Variants in CYSLTR1 observed in about 807,000 individuals in gnomAD.
CYSLTR1 encodes G-protein coupled receptor HG55.
A neutral mutation model predicts 2.1 loss-of-function variants in CYSLTR1; 1 was observed. The observed-to-expected ratio is 0.48, with a 90% CI of 0.17 to 2.28. The LOEUF is 2.28. Among genes scored for constraint, CYSLTR1 ranks in the 30% most tolerant of loss-of-function variants. The pLI is 0.26. For synonymous variants in CYSLTR1, 110 were observed against 89.6 expected, an observed-to-expected ratio of 1.23 and a Z score of -1.28; for missense variants, 299 against 250.1, an observed-to-expected ratio of 1.20 and a Z score of -1.32.
intron 2 of CYSLTR1, among the ~76,000 whole-genome samples, chrX:78,280,642 A>G (rs979633678): frequency 3.7e-5 from 4 of 109,287 alleles, no homozygotes; most frequent in Non-Finnish European, 7.6e-5. Context: ...GTTCTTTTTT[A>G]TCTATACAAT....
chrX:78,292,509 G>A (rs1371786904), intron 1 of CYSLTR1, among the ~76,000 whole-genome samples: 1 of 111,739 alleles, frequency 8.9e-6, no homozygotes, highest in Non-Finnish European at 1.9e-5. Context: ...CTGAGTTCAA[G>A]TCCTGGATAT....
At chrX:78,320,394 C>T (rs1197492030) in intron 1 of CYSLTR1, 2 of 111,308 alleles carry the variant, frequency 1.8e-5, no homozygotes, top group Non-Finnish European at 3.8e-5. Context: ...TGTTTTTTGT[C>T]AGGTTTGTGA....
At chrX:78,313,321 A>G (rs1231333440) in intron 1 of CYSLTR1, among the ~76,000 whole-genome samples, 1 of 111,057 alleles carries the variant, frequency 9.0e-6, no homozygotes, top group African/African-American at 3.3e-5. Flanking sequence ...GATGGGGGAG[A>G]AAGGGAAGTG....
intron 2 of CYSLTR1, among the ~76,000 whole-genome samples, chrX:78,276,337 T>C (rs909444686): frequency 1.2e-4 from 13 of 111,685 alleles, no homozygotes; most frequent in African/African-American, 4.2e-4. Context: ...GTATGTAACA[T>C]ATCAGATAAT....
intron 1 of CYSLTR1, among the ~76,000 whole-genome samples, chrX:78,285,255 C>A (rs1015022024): frequency 9.1e-6 from 1 of 109,323 alleles, no homozygotes; most frequent in African/African-American, 3.3e-5. Context: ...CCCGTCTCTA[C>A]TGAAAAATAC....
intron 2 of CYSLTR1, among the ~76,000 whole-genome samples, chrX:78,276,182 C>A (rs1462188251): frequency 1.8e-5 from 2 of 111,879 alleles, no homozygotes; most frequent in Non-Finnish European, 3.8e-5. Flanking sequence ...TTACTCTAGT[C>A]TATTTCAGCT....
intron 1 of CYSLTR1, among the ~76,000 whole-genome samples, chrX:78,315,101 G>T (rs1197212497): frequency 9.4e-6 from 1 of 106,706 alleles, no homozygotes; most frequent in Admixed American, 1.0e-4. Context: ...TAGGGCACCT[G>T]TTAGAGCTAT....
intron 1 of CYSLTR1, among the ~76,000 whole-genome samples, chrX:78,304,910 G>A (rs1018951608): frequency 1.8e-5 from 2 of 111,805 alleles, no homozygotes; most frequent in African/African-American, 3.3e-5. Context: ...AGTTGGTCTG[G>A]TGATAATTTC....
chrX:78,285,554 C>G (rs1922032928), intron 1 of CYSLTR1, among the ~76,000 whole-genome samples: 1 of 111,721 alleles, frequency 9.0e-6, no homozygotes, highest in Admixed American at 9.5e-5. Flanking sequence ...TAGCGTGGGA[C>G]AAGAAAGAAA....
intron 1 of CYSLTR1, chrX:78,320,826 C>T (rs1467292596): frequency 2.7e-5 from 3 of 111,442 alleles, no homozygotes; most frequent in Non-Finnish European, 3.8e-5. Context: ...AGGTCCTTCA[C>T]ATCCCTTGTA....
intron 1 of CYSLTR1, among the ~76,000 whole-genome samples, chrX:78,296,837 CAAGGAT>C (rs1459319044): frequency 9.0e-6 from 1 of 111,608 alleles, no homozygotes; most frequent in Non-Finnish European, 1.9e-5. Flanking sequence ...CATCTGCAAA[CAAGGAT>C]AAGTTGACTT....
intron 1 of CYSLTR1, among the ~76,000 whole-genome samples, chrX:78,284,480 G>A (rs1054375123): frequency 2.7e-5 from 3 of 111,125 alleles, no homozygotes; most frequent in Admixed American, 1.9e-4. Flanking sequence ...CACTCACTCT[G>A]ACCTCCGCCT....
chrX:78,292,839 C>T (rs916112071), intron 1 of CYSLTR1, among the ~76,000 whole-genome samples: 1 of 107,182 alleles, frequency 9.3e-6, no homozygotes, highest in African/African-American at 3.4e-5. Context: ...CTAAGTATTC[C>T]TCCATCCCTT....
At chrX:78,325,407 C>T (rs762370710) in intron 1 of CYSLTR1, among the ~76,000 whole-genome samples, 1 of 112,193 alleles carries the variant, frequency 8.9e-6, no homozygotes, top group African/African-American at 3.2e-5. Flanking sequence ...CAAAATCCTT[C>T]TGATGGTGGT....
intron 1 of CYSLTR1, among the ~76,000 whole-genome samples, chrX:78,285,024 G>C (rs890753003): frequency 3.6e-5 from 4 of 110,737 alleles, no homozygotes; most frequent in Non-Finnish European, 7.6e-5. Flanking sequence ...ATTACTCAGA[G>C]TTGTCTTTTA....
At position 78,273,570 on chromosome X, in the gene CYSLTR1, T is replaced by C. The variant is rs200175802; in HGVS notation, c.177A>G (p.Gln59=). Residue 59 remains glutamine, a synonymous_variant, in exon 3 of 3, where the codon CAA becomes CAG. Transcript: ENST00000373304. ...CTACTGCTAAATTAATCATGTATAC[T>C]TGGAAGGCTGACTTCTTGTGATAGG... is the stretch of plus-strand genomic sequence containing the variant. ...IKTYHKKSAF[Q]VYMINLAVAD... 1.8e-5 allele frequency: 22 copies of C among 1,209,729 alleles called. No homozygotes were observed. In the African/African-American group the frequency reaches 3.2e-4, roughly 17 times the overall value.
At chrX:78,301,505 T>C (rs1425699329) in intron 1 of CYSLTR1, among the ~76,000 whole-genome samples, 1 of 112,193 alleles carries the variant, frequency 8.9e-6, no homozygotes, top group Non-Finnish European at 1.9e-5. Flanking sequence ...GCCACGAGTC[T>C]TTTTGCTAAA....
At chrX:78,287,300 A>G (rs1440834838) in intron 1 of CYSLTR1, among the ~76,000 whole-genome samples, 3 of 112,091 alleles carry the variant, frequency 2.7e-5, no homozygotes, top group Non-Finnish European at 5.6e-5. Context: ...CATTTGCTAA[A>G]TGGAAAAGCT....
chrX:78,320,177 A>C lies in CYSLTR1; in HGVS notation c.-115+7128T>G, dbSNP rs1487860485. 460 of 111,981 alleles carry C rather than the reference A, an allele frequency of 4.1e-3. 4 individuals are homozygous for C. Among genetic ancestry groups the C allele is most frequent in the African/African-American group, 0.014 (432 of 30,827 alleles). 9.2% of individuals were successfully genotyped at this position (111,981 alleles called of 1,213,427 possible). A position where few individuals can be genotyped will look rare whatever the true frequency, so the allele number is the denominator to read the frequency against. On this transcript the variant is annotated intron_variant, in intron 1 of 2. Coordinates refer to ENST00000373304, the MANE Select transcript of CYSLTR1 (RefSeq NM_006639.4). ...GCTTTTGGTGTTTTAGACATGAAGT[A>C]CTTGCCCATGCCTATGTCCTGAATG... is the stretch of plus-strand genomic sequence containing the variant.
Sources: gnomAD v4.1 joint callset for allele counts (sites outside exome capture counted in the v4.1 genomes callset) on GRCh38, gnomAD v4.1.1 for gene constraint, MANE v1.5 for transcripts, NCBI Gene and HGNC (gene_info 2026-07-23, HGNC 2026-07-21) for gene names.